The following SSBP2 variants were observed in gnomAD, a reference collection of about 807,000 sequenced individuals.
SSBP2 encodes single-stranded DNA-binding protein 2.
SSBP2 carries 17 observed loss-of-function variants against 61.8 expected under a neutral mutation model. The observed-to-expected ratio is 0.28, with a 90% CI of 0.19 to 0.41. SSBP2 has a LOEUF of 0.41. Among genes scored for constraint, SSBP2 ranks in the 10% least tolerant of loss-of-function variants. The pLI is 1.00. For missense variants in SSBP2, 310 were observed against 458.7 expected, an observed-to-expected ratio of 0.68 and a Z score of 2.96; for synonymous variants, 139 against 141.3, an observed-to-expected ratio of 0.98 and a Z score of 0.12.
chr5:81,421,667 A>T (rs186325134), intron 16 of SSBP2, among the ~76,000 whole-genome samples: 182 of 152,300 alleles, frequency 1.2e-3, no homozygotes, highest in Non-Finnish European at 2.3e-3. Flanking sequence ...TATTTTGCTA[A>T]TTGTGCCATT....
chr5:81,516,966 T>C (rs1769078371), intron 4 of SSBP2, among the ~76,000 whole-genome samples: 1 of 152,114 alleles, frequency 6.6e-6, no homozygotes, highest in South Asian at 2.1e-4. Flanking sequence ...AAGCATGTAT[T>C]ATTACTCTAT....
chr5:81,699,850 ATTTCT>A (rs1434018056), intron 1 of SSBP2, among the ~76,000 whole-genome samples: 90 of 139,736 alleles, frequency 6.4e-4, no homozygotes, highest in African/African-American at 2.3e-3. Flanking sequence ...TACAAAATCA[ATTTCT>A]TTTTTTTTTT....
chr5:81,565,042 A>T (rs985218229), intron 4 of SSBP2, among the ~76,000 whole-genome samples: 2 of 152,206 alleles, frequency 1.3e-5, no homozygotes, highest in African/African-American at 4.8e-5. Flanking sequence ...CAAGAGGATA[A>T]AGCATTACGC....
At chr5:81,613,416 ATACTTTGAAATT>A (rs1276583503) in intron 4 of SSBP2, among the ~76,000 whole-genome samples, 2 of 152,214 alleles carry the variant, frequency 1.3e-5, no homozygotes, top group African/African-American at 4.8e-5. Context: ...ATAAGTGTGA[ATACTTTGAAATT>A]TTCAAAGTGT....
At chr5:81,704,025 G>A (rs1179603097) in intron 1 of SSBP2, among the ~76,000 whole-genome samples, 1 of 152,182 alleles carries the variant, frequency 6.6e-6, no homozygotes, top group Non-Finnish European at 1.5e-5. Flanking sequence ...AGGAGCTGAG[G>A]AAATTGGCCA....
chr5:81,466,494 A>G (rs1356453833), intron 9 of SSBP2, among the ~76,000 whole-genome samples: 2 of 152,046 alleles, frequency 1.3e-5, no homozygotes, highest in Non-Finnish European at 2.9e-5. Context: ...AGTCCCAACA[A>G]AGCAAAAGTA....
intron 4 of SSBP2, among the ~76,000 whole-genome samples, chr5:81,591,753 G>C (rs574694429): frequency 3.4e-4 from 52 of 152,150 alleles, no homozygotes; most frequent in Non-Finnish European, 6.5e-4. Context: ...AGGAAAAAAA[G>C]TGGGAATTAA....
Position 81,552,889 on chromosome 5 carries a change from G to A in SSBP2, c.283-39172C>T, listed in dbSNP as rs577486972. ...TTCTTCATCCATTTATACAGCAATG[G>A]ATAATATTACACAGCATGTAATATT... is the stretch of plus-strand genomic sequence containing the variant. On this transcript the variant is annotated intron_variant, in intron 4 of 16. Transcript: ENST00000320672. Among the ~76,000 whole-genome samples the A allele has an allele frequency of 2.0e-5, 3 of 152,060 alleles. No homozygotes were observed. In the South Asian group the frequency reaches 6.2e-4, roughly 32 times the overall value.
At chr5:81,656,961 T>C (rs929212873) in intron 1 of SSBP2, among the ~76,000 whole-genome samples, 2 of 152,188 alleles carry the variant, frequency 1.3e-5, no homozygotes, top group Non-Finnish European at 2.9e-5. Context: ...TACAGAAATA[T>C]TGTATGTACA....
At position 81,417,217 on chromosome 5, in the gene SSBP2, T is replaced by A. The variant is rs1761344190; in HGVS notation, c.*3287A>T. 1 of 152,216 alleles carries A rather than the reference T, an allele frequency of 6.6e-6. No homozygotes were observed. Among genetic ancestry groups the A allele is most frequent in the African/African-American group, 2.4e-5 (1 of 41,442 alleles). 9.4% of individuals were successfully genotyped at this position (152,216 alleles called of 1,614,324 possible). The stretch of plus-strand genomic sequence containing the variant: ...TGTGAACTTCCTCTTTATCAGCAAC[T>A]GACTCCATACTGGAACATTTTCAAA... On this transcript the variant is annotated 3_prime_UTR_variant, in exon 17 of 17. Coordinates refer to ENST00000320672, the MANE Select transcript of SSBP2 (RefSeq NM_012446.5).
chr5:81,527,379 CAGGATTTGATGAAGGCCAATCAAA>C (rs1770024676), intron 4 of SSBP2, among the ~76,000 whole-genome samples: 1 of 151,766 alleles, frequency 6.6e-6, no homozygotes, highest in Non-Finnish European at 1.5e-5. Context: ...TAAAAACTGC[CAGGATTTGATGAAGGCCAATCAAA>C]AGGGGGTTAG....
rs1186316465 is a variant in SSBP2, at chr5:81,427,105, C to T, written c.1056+1480G>A. Among the ~76,000 whole-genome samples, 3 of 152,140 alleles carry T rather than the reference C, an allele frequency of 2.0e-5. No homozygotes were observed. In the East Asian group the frequency reaches 5.8e-4, roughly 29 times the overall value. On this transcript the variant is annotated intron_variant, in intron 16 of 16. Coordinates refer to ENST00000320672, the MANE Select transcript of SSBP2 (RefSeq NM_012446.5). ...AACTGAATTGAATTATCAAATACCT[C>T]ACTGAATTATACCACTTTATTGCTG... is the stretch of plus-strand genomic sequence containing the variant.
chr5:81,507,469 A>G (rs2154077518), intron 5 of SSBP2, among the ~76,000 whole-genome samples: 1 of 152,298 alleles, frequency 6.6e-6, no homozygotes, highest in South Asian at 2.1e-4. Context: ...ATAAAAATCA[A>G]AATACATGAT....
At chr5:81,426,078 G>A (rs1306847208) in intron 16 of SSBP2, among the ~76,000 whole-genome samples, 1 of 152,194 alleles carries the variant, frequency 6.6e-6, no homozygotes, top group African/African-American at 2.4e-5. Flanking sequence ...AATTCATTAA[G>A]AGTTCTGCTT....
intron 1 of SSBP2, among the ~76,000 whole-genome samples, chr5:81,655,525 G>T (rs572963432): frequency 6.6e-6 from 1 of 152,266 alleles, no homozygotes; most frequent in South Asian, 2.1e-4. Context: ...CAGTGACCAA[G>T]TTATCAAAAT....
intron 4 of SSBP2, among the ~76,000 whole-genome samples, chr5:81,576,338 T>C (rs557885695): frequency 2.0e-5 from 3 of 152,286 alleles, no homozygotes; most frequent in African/African-American, 4.8e-5. Flanking sequence ...AATAGCAACA[T>C]GTAGAGTATA....
chr5:81,600,621 T>G (rs1035396694), intron 4 of SSBP2, among the ~76,000 whole-genome samples: 1 of 148,164 alleles, frequency 6.7e-6, no homozygotes, highest in Non-Finnish European at 1.5e-5. Flanking sequence ...TAATGTTCCA[T>G]AATAATTCTG....
chr5:81,622,197 A>T (rs1224886142), intron 3 of SSBP2, among the ~76,000 whole-genome samples: 1 of 151,916 alleles, frequency 6.6e-6, no homozygotes, highest in Admixed American at 6.6e-5. Context: ...AGTGAAGCAG[A>T]CTGGGGGGGA....
intron 2 of SSBP2, among the ~76,000 whole-genome samples, chr5:81,646,296 G>A (rs1038144329): frequency 6.6e-6 from 1 of 152,124 alleles, no homozygotes; most frequent in African/African-American, 2.4e-5. Context: ...CCTTGAACCA[G>A]GGTGAGAACA....
Sources: allele counts gnomAD v4.1 joint callset (sites outside exome capture counted in the v4.1 genomes callset), GRCh38; gene constraint gnomAD v4.1.1; transcripts MANE v1.5; gene names NCBI Gene and HGNC (gene_info 2026-07-23, HGNC 2026-07-21).